The following TAFA1 variants were observed in gnomAD, a reference collection of about 807,000 sequenced individuals.
TAFA1 encodes the protein TAFA chemokine like family member 1.
TAFA1 carries 4 observed loss-of-function variants against 18.5 expected under a neutral mutation model. The observed-to-expected ratio is 0.22, with a 90% CI of 0.11 to 0.49. The LOEUF (loss-of-function observed/expected upper bound fraction) is 0.49, where lower values mean the gene tolerates loss of function less well. TAFA1 is among the 20% of genes least tolerant of loss of function. TAFA1 has a pLI of 0.98. For missense variants in TAFA1, 147 were observed against 169.0 expected (o/e 0.87, Z 0.72); for synonymous variants, 56 against 55.2 (o/e 1.01, Z -0.06).
intron 3 of TAFA1, among the ~76,000 whole-genome samples, chr3:68,476,481 G>T (rs951585361): frequency 1.3e-5 from 2 of 152,192 alleles, no homozygotes; most frequent in African/African-American, 4.8e-5. Context: ...AAGAATTCCA[G>T]TTTAACCACC....
chr3:68,475,143 T>C (rs994357083), intron 3 of TAFA1, among the ~76,000 whole-genome samples: 4 of 152,176 alleles, frequency 2.6e-5, no homozygotes, highest in Non-Finnish European at 5.9e-5. Flanking sequence ...GCTTCTATTT[T>C]TTTTTAATCT....
intron 2 of TAFA1, among the ~76,000 whole-genome samples, chr3:68,107,323 A>T (rs1368658642): frequency 3.3e-5 from 5 of 152,172 alleles, no homozygotes; most frequent in African/African-American, 1.2e-4. Context: ...ATTCATCCAG[A>T]TACATGTACA....
Position 68,405,955 on chromosome 3 carries a change from C to G in TAFA1, c.119-11325C>G, listed in dbSNP as rs568628313. Among the ~76,000 whole-genome samples the G allele has an allele frequency of 3.3e-5, 5 of 151,852 alleles. No homozygotes were observed. The East Asian group carries it at 9.7e-4, about 29-fold the overall frequency. ...ATTAATAACAAGGAGAATGGCAGCCCTTATTTATAGTATACCTACTATGTG... is the reference window on the plus strand; with the variant it reads ...ATTAATAACAAGGAGAATGGCAGCCGTTATTTATAGTATACCTACTATGTG... On this transcript the variant is annotated intron_variant, in intron 2 of 4. Transcript: ENST00000478136.
chr3:68,183,555 A>G (rs967964383), intron 2 of TAFA1, among the ~76,000 whole-genome samples: 2 of 152,144 alleles, frequency 1.3e-5, no homozygotes, highest in South Asian at 2.1e-4. Context: ...TGGATCCTGT[A>G]TATCTTTTCT....
At chr3:68,076,093 T>C (rs1224129332) in intron 2 of TAFA1, among the ~76,000 whole-genome samples, 1 of 152,174 alleles carries the variant, frequency 6.6e-6, no homozygotes, top group African/African-American at 2.4e-5. Flanking sequence ...AATGTGGTTT[T>C]TGTTGGGTTG....
intron 2 of TAFA1, among the ~76,000 whole-genome samples, chr3:68,121,823 G>A (rs1009979182): frequency 1.4e-4 from 21 of 151,982 alleles, no homozygotes; most frequent in African/African-American, 5.1e-4. Flanking sequence ...GTTTAAGTGT[G>A]GTTCTTACTT....
At chr3:68,235,403 A>G (rs1445370533) in intron 2 of TAFA1, among the ~76,000 whole-genome samples, 1 of 152,188 alleles carries the variant, frequency 6.6e-6, no homozygotes, top group Non-Finnish European at 1.5e-5. Context: ...TGGGCGTGTT[A>G]TTTAATTTTT....
chr3:68,206,591 G>T (rs1482753816), intron 2 of TAFA1, among the ~76,000 whole-genome samples: 1 of 151,890 alleles, frequency 6.6e-6, no homozygotes, highest in African/African-American at 2.4e-5. Flanking sequence ...CATGGCTTCA[G>T]GCACAGTTGG....
intron 2 of TAFA1, among the ~76,000 whole-genome samples, chr3:68,147,351 G>A (rs574198100): frequency 2.6e-5 from 4 of 151,586 alleles, no homozygotes; most frequent in East Asian, 3.9e-4. Context: ...TAGTTTACCC[G>A]CCCCTGCCTC....
At chr3:68,503,996 C>G (rs2072706390) in intron 3 of TAFA1, among the ~76,000 whole-genome samples, 1 of 152,012 alleles carries the variant, frequency 6.6e-6, no homozygotes, top group South Asian at 2.1e-4. Context: ...CCAATGTACA[C>G]AAACTGAATT....
Position 68,541,904 on chromosome 3 carries a change from A to C in TAFA1, c.385-2582A>C, listed in dbSNP as rs1031127190. 3.3e-5 allele frequency among the ~76,000 whole-genome samples: 5 copies of C among 152,258 alleles called. No homozygotes were observed. In the East Asian group the frequency reaches 9.7e-4, roughly 29 times the overall value. ...AAATAATGTTTCAAAGTCTGATCTA[A>C]TTTAAAACTTTATGGTGTTCATTTT... is the stretch of plus-strand genomic sequence containing the variant. On this transcript the variant is annotated intron_variant, in intron 4 of 4. Transcript: ENST00000478136.
upstream of TAFA1, among the ~76,000 whole-genome samples, chr3:68,002,867 G>C (rs1704299371): frequency 6.6e-6 from 1 of 152,086 alleles, no homozygotes; most frequent in Non-Finnish European, 1.5e-5. Flanking sequence ...TGTGGGGTTG[G>C]TAAAAAGAAT....
chr3:68,036,574 C>T (rs1322146306), intron 2 of TAFA1, among the ~76,000 whole-genome samples: 1 of 152,150 alleles, frequency 6.6e-6, no homozygotes, highest in African/African-American at 2.4e-5. Context: ...CCTGTCACCT[C>T]TCTTTCAAGT....
At chr3:68,376,526 G>A (rs1361609215) in intron 2 of TAFA1, among the ~76,000 whole-genome samples, 2 of 152,024 alleles carry the variant, frequency 1.3e-5, no homozygotes, top group African/African-American at 2.4e-5. Context: ...CTGTTCGTAC[G>A]TTAGTTTGCT....
intron 2 of TAFA1, among the ~76,000 whole-genome samples, chr3:68,405,724 AAAAAAAAAAAAAAAAAG>A (rs895707971): frequency 5.6e-5 from 8 of 142,336 alleles, no homozygotes; most frequent in Non-Finnish European, 1.2e-4. Flanking sequence ...AAAAAAAAAA[AAAAAAAAAAAAAAAAAG>A]ACTAGACAAA....
chr3:68,082,349 C>G (rs889582826), intron 2 of TAFA1, among the ~76,000 whole-genome samples: 1 of 152,170 alleles, frequency 6.6e-6, no homozygotes, highest in Admixed American at 6.5e-5. Flanking sequence ...CCTGTTCCTA[C>G]TTCCTAATTA....
At chr3:68,411,654 T>C (rs946784084) in intron 2 of TAFA1, among the ~76,000 whole-genome samples, 2 of 152,190 alleles carry the variant, frequency 1.3e-5, no homozygotes, top group Admixed American at 6.5e-5. Flanking sequence ...TAGATCATTA[T>C]ACCAAATTTT....
chr3:68,362,960 T>C lies in TAFA1; in HGVS notation c.119-54320T>C, dbSNP rs1315821469. Reference sequence around the variant, plus strand: ...TCTTCCTTTTTTTTTTTTTTAACGATGTAAGCCCTGTCTTGCAGGCTTTTT... The same window carrying C: ...TCTTCCTTTTTTTTTTTTTTAACGACGTAAGCCCTGTCTTGCAGGCTTTTT... On this transcript the variant is annotated intron_variant, in intron 2 of 4. Transcript: ENST00000478136. 3.6e-5 allele frequency among the ~76,000 whole-genome samples: 5 copies of C among 138,150 alleles called. No homozygotes were observed. The South Asian group carries it at 1.0e-3, about 28-fold the overall frequency. The allele number at this position is 138,150 out of a possible 152,430, so 90.6% of individuals were successfully genotyped here. A position where few individuals can be genotyped will look rare whatever the true frequency, so the allele number is the denominator to read the frequency against.
At chr3:68,147,358 C>A (rs1186992677) in intron 2 of TAFA1, among the ~76,000 whole-genome samples, 5 of 151,970 alleles carry the variant, frequency 3.3e-5, no homozygotes, top group Non-Finnish European at 5.9e-5. Context: ...CCCGCCCCTG[C>A]CTCTCCCAAG....
Sources: gnomAD v4.1 joint callset for allele counts (sites outside exome capture counted in the v4.1 genomes callset) on GRCh38, gnomAD v4.1.1 for gene constraint, MANE v1.5 for transcripts, NCBI Gene and HGNC (gene_info 2026-07-23, HGNC 2026-07-21) for gene names.